EPHA5: variants seen among roughly 807,000 people sequenced by gnomAD.
EPHA5 encodes ephrin type-A receptor 5.
Under a neutral mutation model 105.0 loss-of-function variants are expected in EPHA5, and 60 were observed. The observed-to-expected ratio is 0.57, with a 90% CI of 0.46 to 0.71. EPHA5 has a LOEUF of 0.71. Ranked by LOEUF, EPHA5 falls within the 30% of genes least tolerant of loss-of-function variation. EPHA5 has a pLI of 0.00. For synonymous variants in EPHA5, 513 were observed against 449.1 expected, an observed-to-expected ratio of 1.14 and a Z score of -1.80; for missense variants, 1,218 against 1,274.7, an observed-to-expected ratio of 0.96 and a Z score of 0.68.
At chr4:65,418,871 T>TTTTTTTTTTTTTTTA (rs1723654826) in intron 6 of EPHA5, among the ~76,000 whole-genome samples, 1 of 62,700 alleles carries the variant, frequency 1.6e-5, no homozygotes, top group Non-Finnish European at 3.4e-5. Flanking sequence ...TCTTTTTTTT[T>TTTTTTTTTTTTTTTA]TTTTTTTTTT....
chr4:65,503,918 C>CAA, intron 3 of EPHA5, among the ~76,000 whole-genome samples: 1 of 150,492 alleles, frequency 6.6e-6, no homozygotes, highest in African/African-American at 2.4e-5. Context: ...TACACACACA[C>CAA]ACACACACAC....
intron 5 of EPHA5, among the ~76,000 whole-genome samples, chr4:65,436,566 A>G (rs933722205): frequency 1.3e-5 from 2 of 152,016 alleles, no homozygotes; most frequent in Non-Finnish European, 2.9e-5. Context: ...ACTAATTGGT[A>G]CCACATGCAC....
At chr4:65,537,408 C>T (rs1736391947) in intron 3 of EPHA5, among the ~76,000 whole-genome samples, 1 of 151,828 alleles carries the variant, frequency 6.6e-6, no homozygotes, top group African/African-American at 2.4e-5. Flanking sequence ...GCTAATGTGG[C>T]ACTAATCCCT....
At chr4:65,616,087 T>C (rs1560777291) in intron 2 of EPHA5, among the ~76,000 whole-genome samples, 1 of 151,842 alleles carries the variant, frequency 6.6e-6, no homozygotes, top group African/African-American at 2.4e-5. Context: ...TTATATATCA[T>C]GGAATACGAC....
chr4:65,434,829 CTA>C (rs1560533195), intron 5 of EPHA5, among the ~76,000 whole-genome samples: 2 of 152,074 alleles, frequency 1.3e-5, no homozygotes, highest in Admixed American at 1.3e-4. Context: ...AAAACACTGA[CTA>C]TTTTTTTAAG....
At chr4:65,611,241 T>C (rs371136455) in intron 2 of EPHA5, among the ~76,000 whole-genome samples, 365 of 152,238 alleles carry the variant, frequency 2.4e-3, no homozygotes, top group African/African-American at 8.4e-3. Context: ...TTTCAATATA[T>C]TTCAGTATAT....
At chr4:65,419,627 G>A (rs1487554586) in intron 6 of EPHA5, among the ~76,000 whole-genome samples, 2 of 152,122 alleles carry the variant, frequency 1.3e-5, no homozygotes, top group East Asian at 3.9e-4. Context: ...GTCCTAAGGT[G>A]CGTATGCCAT....
intron 8 of EPHA5, among the ~76,000 whole-genome samples, chr4:65,392,054 C>G (rs536200128): frequency 6.6e-6 from 1 of 152,074 alleles, no homozygotes; most frequent in Non-Finnish European, 1.5e-5. Context: ...AACCCTCTTA[C>G]GTTCAGTTTC....
chr4:65,457,298 A>T (rs971097703), intron 5 of EPHA5, among the ~76,000 whole-genome samples: 34 of 152,252 alleles, frequency 2.2e-4, no homozygotes, highest in African/African-American at 7.9e-4. Context: ...TTAGCAAGTT[A>T]CTTAAACTTG....
chr4:65,626,065 C>G (rs1456669074), intron 2 of EPHA5, among the ~76,000 whole-genome samples: 1 of 145,724 alleles, frequency 6.9e-6, no homozygotes, highest in Non-Finnish European at 1.5e-5. Context: ...CGCGCCACTG[C>G]ACTCCAGCCT....
At chr4:65,563,950 A>G (rs2149361655) in intron 3 of EPHA5, among the ~76,000 whole-genome samples, 1 of 152,124 alleles carries the variant, frequency 6.6e-6, no homozygotes, top group Admixed American at 6.6e-5. Flanking sequence ...CACAAATACT[A>G]GAAATTTTCC....
chr4:65,334,924 A>G (rs977446124), intron 15 of EPHA5, among the ~76,000 whole-genome samples: 1 of 152,056 alleles, frequency 6.6e-6, no homozygotes, highest in African/African-American at 2.4e-5. Context: ...GCAGATATTT[A>G]GGGAACAACA....
intron 8 of EPHA5, among the ~76,000 whole-genome samples, chr4:65,395,042 T>G (rs1001685345): frequency 2.6e-5 from 4 of 152,278 alleles, no homozygotes; most frequent in Admixed American, 1.3e-4. Context: ...ACATAAATAT[T>G]TTATTTGGCC....
rs560890742 is a variant in EPHA5, at chr4:65,407,243, C to T, written c.1688-2764G>A. 5.6e-4 allele frequency among the ~76,000 whole-genome samples: 86 copies of T among 152,246 alleles called. No individual in the cohort carries two copies. The Middle Eastern group carries it at 0.014, about 24-fold the overall frequency. The stretch of plus-strand genomic sequence containing the variant: ...AATCTAAGTCTGATAATTATTCCCA[C>T]TCTTAATGTGCCAGTTTGGGAACTC... On this transcript the variant is annotated intron_variant, in intron 7 of 16. Coordinates refer to ENST00000613740, the MANE Select transcript of EPHA5 (RefSeq NM_001281766.3).
chr4:65,501,330 G>A (rs1732467582), intron 3 of EPHA5, among the ~76,000 whole-genome samples: 1 of 151,486 alleles, frequency 6.6e-6, no homozygotes, highest in South Asian at 2.1e-4. Flanking sequence ...TCTCTTCACT[G>A]ACAATGTTAT....
intron 1 of EPHA5, among the ~76,000 whole-genome samples, chr4:65,653,727 A>G (rs1049975756): frequency 1.5e-4 from 23 of 152,158 alleles, no homozygotes; most frequent in African/African-American, 5.3e-4. Flanking sequence ...TACAAAGAAA[A>G]TAAAAAATAA....
intron 2 of EPHA5, among the ~76,000 whole-genome samples, chr4:65,616,454 C>CACAG (rs1454115764): frequency 2.1e-3 from 316 of 147,940 alleles, no homozygotes; most frequent in African/African-American, 6.3e-3. Context: ...CACACACACA[C>CACAG]AGAGAGAGAG....
At chr4:65,644,428 T>C (rs1560814506) in intron 1 of EPHA5, among the ~76,000 whole-genome samples, 1 of 152,048 alleles carries the variant, frequency 6.6e-6, no homozygotes, top group Admixed American at 6.6e-5. Flanking sequence ...GAGCCTGGAA[T>C]ATGAACCTGA....
chr4:65,628,277 C>T (rs1746328635), intron 2 of EPHA5, among the ~76,000 whole-genome samples: 1 of 152,030 alleles, frequency 6.6e-6, no homozygotes, highest in Non-Finnish European at 1.5e-5. Flanking sequence ...TTATATGATA[C>T]TGTATCCTCA....
Sources: allele counts gnomAD v4.1 joint callset (sites outside exome capture counted in the v4.1 genomes callset), GRCh38; gene constraint gnomAD v4.1.1; transcripts MANE v1.5; gene names NCBI Gene and HGNC (gene_info 2026-07-23, HGNC 2026-07-21).